The following ERICH1 variants were observed in gnomAD, a reference collection of about 807,000 sequenced individuals.
ERICH1 encodes the protein glutamate-rich protein 1.
In ERICH1, 56 loss-of-function variants were observed where a neutral mutation model predicts 39.6. That is an observed-to-expected ratio of 1.41 (90% CI 1.14 to 1.77). The LOEUF (loss-of-function observed/expected upper bound fraction) is 1.77, where lower values mean the gene tolerates loss of function less well. Ranked by LOEUF, ERICH1 falls within the 40% of genes most tolerant of loss-of-function variation. The pLI is 0.00. For missense variants in ERICH1, 826 were observed against 575.4 expected (o/e 1.44, Z -4.45); for synonymous variants, 313 against 223.6 (o/e 1.40, Z -3.57).
chr8:688,275 G>GCCCCCGCCCCGCCCCGCCCCGGCCCT (rs1807995682), intron 3 of ERICH1, among the ~76,000 whole-genome samples: 1 of 32,206 alleles, frequency 3.1e-5, no homozygotes, highest in Non-Finnish European at 6.2e-5. Flanking sequence ...AGTTCCGCCC[G>GCCCCCGCCCCGCCCCGCCCCGGCCCT]TCCCCGCCCC....
chr8:710,543 C>T (rs775273776), intron 2 of ERICH1, among the ~76,000 whole-genome samples: 1 of 152,222 alleles, frequency 6.6e-6, no homozygotes, highest in Non-Finnish European at 1.5e-5. Context: ...TCCACCTGCT[C>T]CTCCCAGTCC....
At chr8:705,459 A>G (rs1197419455) in intron 2 of ERICH1, among the ~76,000 whole-genome samples, 2 of 152,230 alleles carry the variant, frequency 1.3e-5, no homozygotes, top group Admixed American at 1.3e-4. Context: ...TCCAAGGCAC[A>G]GCACTTCAAA....
At chr8:638,004 G>A (rs1385854587) in intron 3 of ERICH1, among the ~76,000 whole-genome samples, 1 of 152,246 alleles carries the variant, frequency 6.6e-6, no homozygotes, top group Non-Finnish European at 1.5e-5. Context: ...CTTTGCAGGG[G>A]CAGGATTTGG....
chr8:624,917 G>A (rs1339590270), intron 3 of ERICH1, among the ~76,000 whole-genome samples: 2 of 151,872 alleles, frequency 1.3e-5, no homozygotes, highest in African/African-American at 2.4e-5. Flanking sequence ...TAGTAGAGAC[G>A]GGGTTTCACC....
chr8:707,933 T>C (rs1317802468), intron 2 of ERICH1, among the ~76,000 whole-genome samples: 1 of 152,082 alleles, frequency 6.6e-6, no homozygotes, highest in Non-Finnish European at 1.5e-5. Flanking sequence ...TACAACCAAT[T>C]CCGACAACTC....
chr8:652,684 C>G (rs535587275), intron 3 of ERICH1, among the ~76,000 whole-genome samples: 16 of 152,176 alleles, frequency 1.1e-4, no homozygotes, highest in Non-Finnish European at 1.8e-4. Context: ...ATGCCTCAGG[C>G]TCAGAGAATT....
intron 2 of ERICH1, among the ~76,000 whole-genome samples, chr8:695,495 C>T (rs549874496): frequency 7.2e-6 from 1 of 138,022 alleles, no homozygotes; most frequent in South Asian, 2.4e-4. Context: ...CCCTCCCTCT[C>T]CTCTCCTTCC....
chr8:627,281 AG>A (rs1797644785), intron 3 of ERICH1: 2 of 453,372 alleles, frequency 4.4e-6, no homozygotes, highest in Non-Finnish European at 8.9e-6. Flanking sequence ...AGGATTGAAA[AG>A]GGGTGTATAA....
intron 4 of ERICH1, among the ~76,000 whole-genome samples, chr8:671,088 C>T (rs76599859): frequency 2.0e-5 from 3 of 151,682 alleles, no homozygotes; most frequent in East Asian, 2.0e-4. Context: ...CCAGCCCCGG[C>T]TCTAATGTCT....
At chr8:725,209 G>A (rs919170015) in intron 1 of ERICH1, 9 of 189,218 alleles carry the variant, frequency 4.8e-5, no homozygotes, top group East Asian at 1.7e-4. Context: ...TCCGGCTTCC[G>A]TGCCTGCTGT....
chr8:669,778 C>G (rs1369826452), intron 4 of ERICH1, among the ~76,000 whole-genome samples: 3 of 152,266 alleles, frequency 2.0e-5, no homozygotes, highest in African/African-American at 7.2e-5. Context: ...GAACTGAAAA[C>G]AAGCCCCCGA....
At chr8:650,558 C>T in intron 3 of ERICH1, among the ~76,000 whole-genome samples, 1 of 152,216 alleles carries the variant, frequency 6.6e-6, no homozygotes, top group East Asian at 1.9e-4. Flanking sequence ...CCGAGGCCGG[C>T]CCCAGACACT....
chr8:669,023 G>T (rs1175857911), intron 4 of ERICH1: 3 of 518,244 alleles, frequency 5.8e-6, no homozygotes, highest in Admixed American at 3.7e-5. Context: ...CTGGTGAGAC[G>T]CCTCCCCTGG....
chr8:701,074 A>ATT (rs200218296), intron 2 of ERICH1, among the ~76,000 whole-genome samples: 2 of 151,544 alleles, frequency 1.3e-5, no homozygotes, highest in African/African-American at 2.4e-5. Flanking sequence ...CATTTTCAAG[A>ATT]TTTTTTTTGC....
intron 3 of ERICH1, among the ~76,000 whole-genome samples, chr8:657,906 A>C (rs574014240): frequency 1.3e-5 from 2 of 152,298 alleles, no homozygotes; most frequent in Admixed American, 1.3e-4. Flanking sequence ...CACTCCCAGA[A>C]GAGGAAGAAT....
At chr8:616,373 G>A (rs910894759) in intron 3 of ERICH1, 6 of 354,754 alleles carry the variant, frequency 1.7e-5, no homozygotes, top group South Asian at 1.3e-4. Context: ...GGTGTGGGCG[G>A]CCGCCGTCCA....
intron 4 of ERICH1, 33 bp from the exon 5 acceptor site, chr8:668,825 T>G: frequency 6.4e-7 from 1 of 1,551,898 alleles, no homozygotes; most frequent in Non-Finnish European, 8.7e-7. Flanking sequence ...GGAAATACAG[T>G]TTTGTTTTTA....
At chr8:686,460 A>AAC (rs1807410174) in intron 3 of ERICH1, among the ~76,000 whole-genome samples, 3 of 151,790 alleles carry the variant, frequency 2.0e-5, no homozygotes, top group African/African-American at 7.3e-5. Context: ...AAAAAAAAAA[A>AAC]AAAAACAAAA....
chr8:673,353 G>A lies in ERICH1; in HGVS notation c.999C>T (p.Thr333=), dbSNP rs932221932. Residue 333 remains threonine, a synonymous_variant, in exon 4 of 6, where the codon ACC becomes ACT. Transcript: ENST00000262109. ...TTAGAATACTGTGTGCCTTTTCATT[G>A]GTAATTGTATCATCTTCCTCGCTGG... ...ADASEEDDTI[T]NEKAHSILNF... The A allele has an allele frequency of 6.2e-7, 1 of 1,614,090 alleles. No individual in the cohort carries two copies. Among genetic ancestry groups the A allele is most frequent in the Non-Finnish European group, 8.5e-7 (1 of 1,179,932 alleles).
Sources: allele counts gnomAD v4.1 joint callset (sites outside exome capture counted in the v4.1 genomes callset), GRCh38; gene constraint gnomAD v4.1.1; transcripts MANE v1.5; gene names NCBI Gene and HGNC (gene_info 2026-07-23, HGNC 2026-07-21).